CLDN14: variants seen among roughly 807,000 people sequenced by gnomAD.
The protein encoded by CLDN14 is claudin 14.
In CLDN14, 2 loss-of-function variants were observed where a neutral mutation model predicts 2.1. The ratio of observed to expected loss-of-function variants is 0.96; its 90% confidence interval spans 0.39 to 3.01. The LOEUF is 3.01. CLDN14 is among the 30% of genes most tolerant of loss of function. The pLI is 0.09. For missense variants in CLDN14, 298 were observed against 328.0 expected (o/e 0.91, Z 0.71); for synonymous variants, 136 against 154.4 (o/e 0.88, Z 0.88).
Position 36,499,905 on chromosome 21 carries a change from C to T in CLDN14, c.-82+10458G>A, listed in dbSNP as rs117356573. On this transcript the variant is annotated intron_variant, in intron 2 of 2. Transcript: ENST00000342108. This position sits in a 1 kb window ranked among gnomAD's most constrained non-coding sequence, Gnocchi z 4.7. ...CTGGTGGAGAAAATCGGGGGGTCTC[C>T]GGAGCAACCCCGGGAGCAGTACTGG... 0.012 allele frequency among the ~76,000 whole-genome samples: 1,844 copies of T among 152,150 alleles called. 18 individuals are homozygous for T. The highest frequency in any genetic ancestry group is 0.017 in the Non-Finnish European group (1,159 of 67,996).
At chr21:36,555,843 G>A (rs2087595202) in intron 1 of CLDN14, among the ~76,000 whole-genome samples, 1 of 149,372 alleles carries the variant, frequency 6.7e-6, no homozygotes, top group African/African-American at 2.5e-5. Flanking sequence ...GTGTGTGTGT[G>A]TGTGTGTGAG....
intron 1 of CLDN14, among the ~76,000 whole-genome samples, chr21:36,464,182 TTCC>T (rs2086616132): frequency 6.6e-6 from 1 of 152,146 alleles, no homozygotes; most frequent in African/African-American, 2.4e-5. Context: ...CCTCTCTCTC[TTCC>T]TCCTTCTCCG....
intron 2 of CLDN14, among the ~76,000 whole-genome samples, chr21:36,501,624 C>G (rs2087093195): frequency 6.6e-6 from 1 of 152,052 alleles, no homozygotes; most frequent in Admixed American, 6.6e-5. Context: ...TGTTTTTCTT[C>G]TAGATATTCT....
At chr21:36,480,901 A>G (rs1489384621), upstream of CLDN14, 2 of 152,236 alleles carry the variant, frequency 1.3e-5, no homozygotes, top group African/African-American at 4.8e-5. Context: ...CTGGGCATGG[A>G]CCAAAAGCCT....
intron 1 of CLDN14, among the ~76,000 whole-genome samples, chr21:36,554,587 G>A (rs1568880053): frequency 6.6e-6 from 1 of 152,174 alleles, no homozygotes; most frequent in Non-Finnish European, 1.5e-5. Context: ...TACATATGGG[G>A]AAGGCAAGGC....
chr21:36,491,747 C>T (rs759902114), intron 2 of CLDN14, among the ~76,000 whole-genome samples: 5 of 152,042 alleles, frequency 3.3e-5, no homozygotes, highest in African/African-American at 7.2e-5. Flanking sequence ...AGGCCGGGGA[C>T]TACTGAAGGT....
intron 1 of CLDN14, among the ~76,000 whole-genome samples, chr21:36,562,602 C>T (rs1302024308): frequency 3.9e-5 from 6 of 152,130 alleles, no homozygotes; most frequent in African/African-American, 1.4e-4. Flanking sequence ...ATTTTCCCAT[C>T]AGTTTTGCTT....
chr21:36,474,352 G>A lies in CLDN14; in HGVS notation c.-82+5143C>T, dbSNP rs1387475793. ...ACAGGCGTTGCAGATACCTGCAAAGGACATTTATCACTCTAACAATTTCAA... is the reference window on the plus strand; with the variant it reads ...ACAGGCGTTGCAGATACCTGCAAAGAACATTTATCACTCTAACAATTTCAA... On this transcript the variant is annotated intron_variant, in intron 1 of 1. Transcript: ENST00000399135. 3.3e-5 allele frequency among the ~76,000 whole-genome samples: 5 copies of A among 152,268 alleles called. No homozygotes were observed. The South Asian group carries it at 1.0e-3, about 32-fold the overall frequency.
At chr21:36,475,313 G>T (rs2086763402) in intron 1 of CLDN14, among the ~76,000 whole-genome samples, 1 of 152,224 alleles carries the variant, frequency 6.6e-6, no homozygotes, top group Non-Finnish European at 1.5e-5. Context: ...AAGCTGGGAT[G>T]GAGGGACATT....
At chr21:36,483,508 CAG>C (rs2086867507), upstream of CLDN14, among the ~76,000 whole-genome samples, 1 of 152,188 alleles carries the variant, frequency 6.6e-6, no homozygotes, top group Non-Finnish European at 1.5e-5. Context: ...ACGTGAGGTC[CAG>C]AGAGAGAAGC....
At chr21:36,507,049 G>C (rs769437736) in intron 2 of CLDN14, among the ~76,000 whole-genome samples, 1 of 152,076 alleles carries the variant, frequency 6.6e-6, no homozygotes, top group Non-Finnish European at 1.5e-5. Context: ...CTTGAGCCCA[G>C]GAGCTCGAGG....
chr21:36,558,688 T>C (rs183001196), intron 1 of CLDN14, among the ~76,000 whole-genome samples: 1 of 152,160 alleles, frequency 6.6e-6, no homozygotes, highest in East Asian at 1.9e-4. Flanking sequence ...GTGTATAAAT[T>C]GCAACTCATT....
Position 36,498,263 on chromosome 21 carries a change from AG to A in CLDN14, c.-82+12099del, listed in dbSNP as rs1468645707. On this transcript the variant is annotated intron_variant, in intron 2 of 2. Transcript: ENST00000342108. The surrounding 1 kb of genome is among the most constrained non-coding windows in gnomAD (Gnocchi z 4.9). ...CGGTCCACCTGCCTTGGCCTCCCAA[AG>A]TGCTGGGATTATAGACATGAGCCAC... Among the ~76,000 whole-genome samples, 1 of 152,134 alleles carries A rather than the reference AG, an allele frequency of 6.6e-6. No individual in the cohort carries two copies. The highest frequency in any genetic ancestry group is 1.5e-5 in the Non-Finnish European group (1 of 68,032).
At chr21:36,505,248 A>G (rs369621760) in intron 2 of CLDN14, among the ~76,000 whole-genome samples, 1 of 152,208 alleles carries the variant, frequency 6.6e-6, no homozygotes, top group African/African-American at 2.4e-5. Flanking sequence ...TCTTTGTTTC[A>G]TATTTCATTT....
chr21:36,554,518 T>C (rs2087584953), intron 1 of CLDN14, among the ~76,000 whole-genome samples: 1 of 152,142 alleles, frequency 6.6e-6, no homozygotes, highest in South Asian at 2.1e-4. Context: ...TTGGGAGTGT[T>C]TCATTCACTT....
chr21:36,493,391 CAT>C (rs1252306029), intron 2 of CLDN14, among the ~76,000 whole-genome samples: 6 of 152,116 alleles, frequency 3.9e-5, no homozygotes, highest in Non-Finnish European at 8.8e-5. Flanking sequence ...GTTCTAGTAA[CAT>C]AGGTTTTTAT....
At chr21:36,500,493 G>A (rs1051568459) in intron 2 of CLDN14, among the ~76,000 whole-genome samples, 2 of 152,198 alleles carry the variant, frequency 1.3e-5, no homozygotes, top group African/African-American at 4.8e-5. Context: ...GTGCAGTGGT[G>A]CAATCTCGGT....
At chr21:36,565,199 G>A (rs1455108488) in intron 1 of CLDN14, among the ~76,000 whole-genome samples, 2 of 152,182 alleles carry the variant, frequency 1.3e-5, no homozygotes, top group African/African-American at 4.8e-5. Context: ...ATGTCAGGTT[G>A]AGAACAGAGG....
chr21:36,495,150 A>C (rs747020035), intron 2 of CLDN14, among the ~76,000 whole-genome samples: 28 of 152,172 alleles, frequency 1.8e-4, no homozygotes, highest in Middle Eastern at 3.2e-3. Flanking sequence ...CAACATTGTG[A>C]AACCCCTTCT....
Sources: gnomAD v4.1 joint callset for allele counts (sites outside exome capture counted in the v4.1 genomes callset) on GRCh38, gnomAD v4.1.1 for gene constraint, Gnocchi (gnomAD v3.1) non-coding constraint, MANE v1.5 for transcripts, NCBI Gene and HGNC (gene_info 2026-07-23, HGNC 2026-07-21) for gene names.